Variants in C3orf70 observed in about 807,000 individuals in gnomAD.
C3orf70 encodes chromosome 3 open reading frame 70, also known as UPF0524 protein C3orf70.
In C3orf70, 15 loss-of-function variants were observed where a neutral mutation model predicts 20.7. That is an observed-to-expected ratio of 0.72 (90% CI 0.48 to 1.11). The LOEUF (loss-of-function observed/expected upper bound fraction) is 1.11. Among genes scored for constraint, C3orf70 ranks in the 50% most tolerant of loss-of-function variants. The pLI, the probability that C3orf70 is intolerant of heterozygous loss-of-function variation, is 0.00. For missense variants in C3orf70, 332 were observed against 317.6 expected (o/e 1.05, Z -0.34); for synonymous variants, 161 against 125.7 (o/e 1.28, Z -1.88).
At chr3:185,134,299 T>G (rs1716579869) in intron 1 of C3orf70, among the ~76,000 whole-genome samples, 1 of 152,136 alleles carries the variant, frequency 6.6e-6, no homozygotes, top group Non-Finnish European at 1.5e-5. Context: ...ATAAAAAAGA[T>G]GGAGACTAAT....
intron 1 of C3orf70, among the ~76,000 whole-genome samples, chr3:185,127,724 GCCA>G (rs1292031164): frequency 6.6e-6 from 1 of 152,104 alleles, no homozygotes; most frequent in Non-Finnish European, 1.5e-5. Flanking sequence ...ACAGGCGTGA[GCCA>G]CCATGACCGG....
At chr3:185,128,805 C>T (rs1716466431) in intron 1 of C3orf70, among the ~76,000 whole-genome samples, 1 of 152,152 alleles carries the variant, frequency 6.6e-6, no homozygotes, top group Non-Finnish European at 1.5e-5. Context: ...TTCTGTGAAA[C>T]TCTGTCTTCG....
intron 1 of C3orf70, among the ~76,000 whole-genome samples, chr3:185,096,220 T>C: frequency 6.6e-6 from 1 of 152,196 alleles, no homozygotes; most frequent in East Asian, 1.9e-4. Context: ...TTGGTGCCAC[T>C]GAGGAAATCC....
At chr3:185,101,391 C>A (rs141184120) in intron 1 of C3orf70, among the ~76,000 whole-genome samples, 2 of 152,020 alleles carry the variant, frequency 1.3e-5, no homozygotes, top group African/African-American at 4.8e-5. Flanking sequence ...ACACACAAAT[C>A]AAAAAATATG....
chr3:185,088,408 A>G (rs544741744), intron 1 of C3orf70, among the ~76,000 whole-genome samples: 2 of 152,326 alleles, frequency 1.3e-5, no homozygotes, highest in Admixed American at 6.5e-5. Context: ...GCCTGTATTC[A>G]TGTCAACACC....
chr3:185,107,526 C>T (rs1398666288), intron 1 of C3orf70, among the ~76,000 whole-genome samples: 2 of 152,122 alleles, frequency 1.3e-5, no homozygotes, highest in African/African-American at 4.8e-5. Context: ...TTGATGGTGG[C>T]CATTGTTAAG....
chr3:185,128,117 A>G (rs982351381), intron 1 of C3orf70, among the ~76,000 whole-genome samples: 1 of 152,228 alleles, frequency 6.6e-6, no homozygotes, highest in Non-Finnish European at 1.5e-5. Flanking sequence ...TTAGACAGTT[A>G]ACTGCTGCTT....
At chr3:185,110,769 T>G (rs904159998) in intron 1 of C3orf70, among the ~76,000 whole-genome samples, 1 of 152,266 alleles carries the variant, frequency 6.6e-6, no homozygotes, top group African/African-American at 2.4e-5. Context: ...CTTAAGGACA[T>G]GCTCCTGCTG....
intron 1 of C3orf70, among the ~76,000 whole-genome samples, chr3:185,098,388 A>G (rs990332382): frequency 1.3e-4 from 20 of 152,266 alleles, no homozygotes; most frequent in Middle Eastern, 3.2e-3. Flanking sequence ...ACAGACTATG[A>G]GCCTAAAATG....
At chr3:185,129,733 A>G (rs1221609250) in intron 1 of C3orf70, among the ~76,000 whole-genome samples, 7 of 152,226 alleles carry the variant, frequency 4.6e-5, no homozygotes, top group African/African-American at 1.7e-4. Flanking sequence ...TTGTTTCTTG[A>G]CTTTTTAATA....
rs891982325 is a variant in C3orf70 at position 185,082,943 on chromosome 3, A to C, written c.*64T>G. 1 of 1,504,488 alleles carries C rather than the reference A, an allele frequency of 6.6e-7. No homozygotes were observed. Among genetic ancestry groups the C allele is most frequent in the African/African-American group, 1.4e-5 (1 of 71,870 alleles). The allele number at this position is 1,504,488 out of a possible 1,614,324, so 93.2% of individuals were successfully genotyped here. ...AATATCAACAGCATTGGAAAAAAGG[A>C]TCCACCAGACAAAGGTACAAAAGCT... On this transcript the variant is annotated 3_prime_UTR_variant, in exon 2 of 2. Coordinates refer to ENST00000335012, the MANE Select transcript of C3orf70 (RefSeq NM_001025266.3).
In C3orf70 at chr3:185,080,028, T is replaced by G. The variant is rs1288328534; in HGVS notation, c.*2979A>C. ...AAAGTGAAACTACAATCTGTTTCAG[T>G]TGGTTTTGGAATGCAAGCATAAAGA... On this transcript the variant is annotated 3_prime_UTR_variant, in exon 2 of 2. Coordinates refer to ENST00000335012, the MANE Select transcript of C3orf70 (RefSeq NM_001025266.3). The G allele has an allele frequency of 6.6e-6, 1 of 152,646 alleles. No individual in the cohort carries two copies. The highest frequency in any genetic ancestry group is 1.5e-5 in the Non-Finnish European group (1 of 68,046). The allele number at this position is 152,646 out of a possible 1,614,324, so 9.5% of individuals were successfully genotyped here. A position where few individuals can be genotyped will look rare whatever the true frequency, so the allele number is the denominator to read the frequency against.
chr3:185,119,910 G>A (rs1450648985), intron 1 of C3orf70, among the ~76,000 whole-genome samples: 3 of 151,306 alleles, frequency 2.0e-5, no homozygotes, highest in Non-Finnish European at 4.4e-5. Context: ...TGTAGTTCCA[G>A]CTACTCGAGG....
Position 185,105,752 on chromosome 3 carries a change from G to A in C3orf70, c.197-22189C>T, listed in dbSNP as rs533477229. On this transcript the variant is annotated intron_variant, in intron 1 of 1. Coordinates refer to ENST00000335012, the MANE Select transcript of C3orf70 (RefSeq NM_001025266.3). The stretch of plus-strand genomic sequence containing the variant: ...GTGGGGGCTCGAATCCAGGTTGAAG[G>A]GTCGCTGGAGCGATGGTTGGAGAAT... 2.0e-5 allele frequency among the ~76,000 whole-genome samples: 3 copies of A among 152,310 alleles called. No individual in the cohort carries two copies. The South Asian group carries it at 6.2e-4, about 32-fold the overall frequency.
At chr3:185,150,728 T>C (rs1257564028) in intron 1 of C3orf70, among the ~76,000 whole-genome samples, 8 of 152,218 alleles carry the variant, frequency 5.3e-5, no homozygotes. Flanking sequence ...ACTGGAATAT[T>C]GTCTACCTTT....
rs1715225563 is a variant in C3orf70, at chr3:185,077,718, C to T, written c.*5289G>A. On this transcript the variant is annotated 3_prime_UTR_variant, in exon 2 of 2. Coordinates refer to ENST00000335012, the MANE Select transcript of C3orf70 (RefSeq NM_001025266.3). ...TCAGTTAGAACTGCAGCCAACACTGCCCCACATGACACGTGTAAGCCGAAC... is the reference window on the plus strand; with the variant it reads ...TCAGTTAGAACTGCAGCCAACACTGTCCCACATGACACGTGTAAGCCGAAC... 6.6e-6 allele frequency among the ~76,000 whole-genome samples: 1 copy of T among 150,440 alleles called. No homozygotes were observed. The highest frequency in any genetic ancestry group is 2.4e-5 in the African/African-American group (1 of 41,018).
chr3:185,143,540 G>A (rs1716799424), intron 1 of C3orf70, among the ~76,000 whole-genome samples: 1 of 152,018 alleles, frequency 6.6e-6, no homozygotes, highest in Non-Finnish European at 1.5e-5. Flanking sequence ...TACATTGTTG[G>A]CACTCCAGAT....
chr3:185,127,033 T>C (rs1364873901), intron 1 of C3orf70, among the ~76,000 whole-genome samples: 1 of 152,222 alleles, frequency 6.6e-6, no homozygotes, highest in Non-Finnish European at 1.5e-5. Context: ...CTGTTTTCCA[T>C]CTTTTCTATT....
chr3:185,104,052 C>G (rs545553191), intron 1 of C3orf70, among the ~76,000 whole-genome samples: 1 of 152,320 alleles, frequency 6.6e-6, no homozygotes, highest in South Asian at 2.1e-4. Flanking sequence ...AGAAGTTACT[C>G]AAACAGCTAC....
Sources: allele counts gnomAD v4.1 joint callset (sites outside exome capture counted in the v4.1 genomes callset), GRCh38; gene constraint gnomAD v4.1.1; transcripts MANE v1.5; gene names NCBI Gene and HGNC (gene_info 2026-07-23, HGNC 2026-07-21).